PALM2AKAP2: variants seen among roughly 807,000 people sequenced by gnomAD.
PALM2AKAP2 encodes the protein PALM2-AKAP2 fusion protein.
PALM2AKAP2 carries 37 observed loss-of-function variants against 71.5 expected under a neutral mutation model. The observed-to-expected ratio is 0.52, with a 90% CI of 0.40 to 0.68. The LOEUF (loss-of-function observed/expected upper bound fraction) is 0.68, where lower values mean the gene tolerates loss of function less well. Among genes scored for constraint, PALM2AKAP2 ranks in the 30% least tolerant of loss-of-function variants. The pLI is 0.00. For missense variants in PALM2AKAP2, 1,224 were observed against 1,191.8 expected (o/e 1.03, Z -0.40); for synonymous variants, 468 against 478.8 (o/e 0.98, Z 0.29).
intron 1 of PALM2AKAP2, among the ~76,000 whole-genome samples, chr9:109,722,644 C>T (rs1828422757): frequency 6.6e-6 from 1 of 152,058 alleles, no homozygotes; most frequent in African/African-American, 2.4e-5. Context: ...TGGTGGCATG[C>T]ACCCGTAGAC....
intron 3 of PALM2AKAP2, among the ~76,000 whole-genome samples, chr9:110,162,525 A>G (rs1310966955): frequency 1.3e-5 from 2 of 152,204 alleles, no homozygotes. Context: ...AGATTGAGCT[A>G]TGGATTTTCA....
chr9:109,717,682 G>T (rs1828346474), intron 1 of PALM2AKAP2, among the ~76,000 whole-genome samples: 1 of 152,228 alleles, frequency 6.6e-6, no homozygotes, highest in South Asian at 2.1e-4. Context: ...CTCTGGCTAG[G>T]CTCACAAGCC....
intron 6 of PALM2AKAP2, among the ~76,000 whole-genome samples, chr9:109,974,606 G>C (rs1832135922): frequency 6.6e-6 from 1 of 152,128 alleles, no homozygotes. Context: ...TTCCATTTTA[G>C]TGGCATTGTA....
chr9:109,731,174 A>G (rs977780030), intron 1 of PALM2AKAP2, among the ~76,000 whole-genome samples: 7 of 152,230 alleles, frequency 4.6e-5, no homozygotes, highest in African/African-American at 1.7e-4. Flanking sequence ...CTCTGAAGTA[A>G]TTACAGAGGA....
chr9:109,861,471 A>G (rs1206174712), intron 1 of PALM2AKAP2, among the ~76,000 whole-genome samples: 1 of 152,220 alleles, frequency 6.6e-6, no homozygotes, highest in Non-Finnish European at 1.5e-5. Context: ...CTATCATGTT[A>G]TAATCCTTCC....
At chr9:110,032,980 AT>A (rs1833315247) in intron 7 of PALM2AKAP2, among the ~76,000 whole-genome samples, 2 of 152,072 alleles carry the variant, frequency 1.3e-5, no homozygotes, top group Non-Finnish European at 2.9e-5. Context: ...TATATGTAGC[AT>A]ACCATATTTA....
chr9:109,706,159 GA>G (rs1808175518), intron 1 of PALM2AKAP2, among the ~76,000 whole-genome samples: 1 of 152,178 alleles, frequency 6.6e-6, no homozygotes, highest in African/African-American at 2.4e-5. Context: ...AAAGCTATGA[GA>G]TATGTTCAAG....
chr9:110,124,678 T>A (rs1835557947), intron 1 of PALM2AKAP2, among the ~76,000 whole-genome samples: 1 of 152,180 alleles, frequency 6.6e-6, no homozygotes, highest in South Asian at 2.1e-4. Flanking sequence ...CAAATGCACA[T>A]CTGTTTTCTT....
intron 6 of PALM2AKAP2, among the ~76,000 whole-genome samples, chr9:109,977,572 A>G (rs1832193203): frequency 6.6e-6 from 1 of 152,154 alleles, no homozygotes; most frequent in South Asian, 2.1e-4. Flanking sequence ...GCCAAATTAC[A>G]CCAAAAAGTA....
Position 110,122,240 on chromosome 9 carries a change from C to G in PALM2AKAP2, c.157-13887C>G, listed in dbSNP as rs1356018146. 2.0e-5 allele frequency among the ~76,000 whole-genome samples: 3 copies of G among 152,364 alleles called. No homozygotes were observed. In the East Asian group the frequency reaches 5.8e-4, roughly 29 times the overall value. On this transcript the variant is annotated intron_variant, in intron 1 of 3. Coordinates refer to ENST00000374525, the Ensembl canonical transcript of PALM2AKAP2. ...ACAAGGTCTCACTACGTTGCCCAGG[C>G]TGGTCTCAAACTCCTGGACCCAAGT...
chr9:110,119,270 G>A (rs544694940), intron 1 of PALM2AKAP2, among the ~76,000 whole-genome samples: 1 of 150,860 alleles, frequency 6.6e-6, no homozygotes, highest in Non-Finnish European at 1.5e-5. Flanking sequence ...TTGAACCCGG[G>A]AGGCAGAGGT....
rs1458713184 is a variant in PALM2AKAP2, at chr9:109,970,398, G to GC, written c.496+38371dup. 3.3e-5 allele frequency among the ~76,000 whole-genome samples: 5 copies of GC among 152,194 alleles called. No homozygotes were observed. The East Asian group carries it at 9.6e-4, about 29-fold the overall frequency. ...TGGTGGGCCACTCACTTTGAGGAGC[G>GC]CTGCCTTAGAGCACTCAGGAGGGAG... On this transcript the variant is annotated intron_variant, in intron 6 of 9. Transcript: ENST00000302798.
At chr9:109,877,101 G>T (rs1158983548) in intron 2 of PALM2AKAP2, among the ~76,000 whole-genome samples, 1 of 152,124 alleles carries the variant, frequency 6.6e-6, no homozygotes. Flanking sequence ...AGACAGCCAG[G>T]ACTGTCCATG....
At chr9:110,027,204 C>T (rs1465284380) in intron 7 of PALM2AKAP2, among the ~76,000 whole-genome samples, 1 of 152,138 alleles carries the variant, frequency 6.6e-6, no homozygotes, top group African/African-American at 2.4e-5. Context: ...AATGTCTTGG[C>T]CTTATCCAGC....
At chr9:110,145,990 C>A (rs976125556) in intron 2 of PALM2AKAP2, among the ~76,000 whole-genome samples, 1 of 150,132 alleles carries the variant, frequency 6.7e-6, no homozygotes, top group Non-Finnish European at 1.5e-5. Flanking sequence ...GCTCTGCCTC[C>A]CAGGTTCACG....
At chr9:109,811,288 G>A (rs1043956011) in intron 1 of PALM2AKAP2, among the ~76,000 whole-genome samples, 3 of 152,166 alleles carry the variant, frequency 2.0e-5, no homozygotes, top group Non-Finnish European at 4.4e-5. Flanking sequence ...AGGGGTGCAA[G>A]GGAATTGAGG....
intron 1 of PALM2AKAP2, among the ~76,000 whole-genome samples, chr9:110,092,980 G>T (rs1286885615): frequency 6.6e-6 from 1 of 152,136 alleles, no homozygotes; most frequent in East Asian, 1.9e-4. Context: ...TCAGACTTAG[G>T]TCACCTGCTC....
intron 1 of PALM2AKAP2, among the ~76,000 whole-genome samples, chr9:109,770,373 A>G (rs1420965284): frequency 6.6e-6 from 1 of 152,152 alleles, no homozygotes; most frequent in Non-Finnish European, 1.5e-5. Flanking sequence ...ATGCATGTGC[A>G]CTGCTCTGAG....
At chr9:109,818,581 G>T (rs1486848663) in intron 1 of PALM2AKAP2, among the ~76,000 whole-genome samples, 1 of 152,118 alleles carries the variant, frequency 6.6e-6, no homozygotes, top group Non-Finnish European at 1.5e-5. Flanking sequence ...CATACTACCT[G>T]CTAAATTTGC....
Sources: gnomAD v4.1 joint callset for allele counts (sites outside exome capture counted in the v4.1 genomes callset) on GRCh38, gnomAD v4.1.1 for gene constraint, MANE v1.5 for transcripts, NCBI Gene and HGNC (gene_info 2026-07-23, HGNC 2026-07-21) for gene names.